STK38L: variants seen among roughly 807,000 people sequenced by gnomAD.
STK38L encodes serine/threonine-protein kinase 38-like.
Under a neutral mutation model 59.7 loss-of-function variants are expected in STK38L, and 28 were observed. The observed-to-expected ratio is 0.47, with a 90% CI of 0.35 to 0.64. The LOEUF (loss-of-function observed/expected upper bound fraction) is 0.64. Among genes scored for constraint, STK38L ranks in the 30% least tolerant of loss-of-function variants. The probability of loss-of-function intolerance (pLI) is 0.01; values close to 1 mark genes in which losing one functional copy is unlikely to be tolerated. For missense variants in STK38L, 314 were observed against 555.8 expected (o/e 0.56, Z 4.37); for synonymous variants, 162 against 176.8 (o/e 0.92, Z 0.66).
At chr12:27,256,413 A>G (rs1433805332) in intron 1 of STK38L, among the ~76,000 whole-genome samples, 1 of 152,082 alleles carries the variant, frequency 6.6e-6, no homozygotes, top group African/African-American at 2.4e-5. Flanking sequence ...GGTCTCACAC[A>G]CTACTTTCTG....
intron 1 of STK38L, among the ~76,000 whole-genome samples, chr12:27,287,281 T>C (rs1260642526): frequency 2.0e-5 from 3 of 152,054 alleles, no homozygotes; most frequent in Non-Finnish European, 4.4e-5. Flanking sequence ...ATTTTTTTTG[T>C]ATTTTTAGTA....
chr12:27,278,999 C>T (rs1943595356), intron 1 of STK38L, among the ~76,000 whole-genome samples: 1 of 152,154 alleles, frequency 6.6e-6, no homozygotes, highest in Non-Finnish European at 1.5e-5. Flanking sequence ...TAGGGGCCTG[C>T]CCAAATAGAT....
At chr12:27,301,484 T>G (rs965711611) in intron 2 of STK38L, among the ~76,000 whole-genome samples, 7 of 152,144 alleles carry the variant, frequency 4.6e-5, no homozygotes, top group Admixed American at 2.0e-4. Flanking sequence ...ATGGTCTCGA[T>G]CTCCTGACCT....
At chr12:27,292,450 G>A (rs1026645124) in intron 1 of STK38L, among the ~76,000 whole-genome samples, 11 of 152,100 alleles carry the variant, frequency 7.2e-5, no homozygotes, top group African/African-American at 2.7e-4. Flanking sequence ...TGGGATTTTT[G>A]TTTTTTCTGC....
At chr12:27,301,999 A>G (rs1591917954) in intron 2 of STK38L, 138 bp from the exon 3 acceptor site, 1 of 569,260 alleles carries the variant, frequency 1.8e-6, no homozygotes, top group East Asian at 3.4e-5. Flanking sequence ...CTTAGTGATT[A>G]TGTTGATCCA....
chr12:27,265,629 A>G (rs375897272), intron 1 of STK38L, among the ~76,000 whole-genome samples: 1 of 152,172 alleles, frequency 6.6e-6, no homozygotes, highest in African/African-American at 2.4e-5. Context: ...ATGAAAGAAG[A>G]CTATTAAATG....
intron 1 of STK38L, among the ~76,000 whole-genome samples, chr12:27,269,938 C>T (rs1330967814): frequency 1.3e-5 from 2 of 152,162 alleles, no homozygotes; most frequent in Admixed American, 6.5e-5. Context: ...CAGCTGCACC[C>T]GGCCAACTTT....
Position 27,314,497 on chromosome 12 carries a change from T to A in STK38L, c.518-7T>A, listed in dbSNP as rs1349303027. The stretch of plus-strand genomic sequence containing the variant: ...AATAATAATATATTTGACTATCCTT[T>A]ATTTAGGTGACATGATGACATTGCT... On this transcript the variant is annotated splice_region_variant and splice_polypyrimidine_tract_variant and intron_variant, in intron 6 of 13. Coordinates refer to ENST00000389032, the MANE Select transcript of STK38L (RefSeq NM_015000.4). 1.0e-5 allele frequency: 16 copies of A among 1,530,832 alleles called. No homozygotes were observed. Among genetic ancestry groups the A allele is most frequent in the African/African-American group, 1.4e-5 (1 of 70,728 alleles). The allele number at this position is 1,530,832 out of a possible 1,614,324, so 94.8% of individuals were successfully genotyped here. A position where few individuals can be genotyped will look rare whatever the true frequency, so the allele number is the denominator to read the frequency against.
At chr12:27,259,033 T>A (rs1335463631) in intron 1 of STK38L, among the ~76,000 whole-genome samples, 1 of 152,234 alleles carries the variant, frequency 6.6e-6, no homozygotes, top group Non-Finnish European at 1.5e-5. Flanking sequence ...CACATAGATT[T>A]GTCTTATAGC....
At chr12:27,292,955 T>A (rs1383152166) in intron 1 of STK38L, among the ~76,000 whole-genome samples, 1 of 152,174 alleles carries the variant, frequency 6.6e-6, no homozygotes, top group African/African-American at 2.4e-5. Context: ...TTTGTTTGTT[T>A]TTTTAGCCTA....
chr12:27,259,313 C>T (rs1209885459), intron 1 of STK38L, among the ~76,000 whole-genome samples: 2 of 152,176 alleles, frequency 1.3e-5, no homozygotes, highest in Non-Finnish European at 2.9e-5. Context: ...AGAGTTATAG[C>T]ATTCAGCAGA....
At chr12:27,294,502 G>A (rs1281360316) in intron 1 of STK38L, among the ~76,000 whole-genome samples, 3 of 121,792 alleles carry the variant, frequency 2.5e-5, no homozygotes, top group African/African-American at 9.4e-5. Flanking sequence ...GTGAAATTCT[G>A]TCAAAAAAAA....
intron 3 of STK38L, among the ~76,000 whole-genome samples, chr12:27,306,714 A>ACACACACACACACAC (rs1944322166): frequency 7.2e-6 from 1 of 139,084 alleles, no homozygotes; most frequent in Non-Finnish European, 1.5e-5. Context: ...GAATTTTATA[A>ACACACACACACACAC]ACACACACAC....
intron 1 of STK38L, among the ~76,000 whole-genome samples, chr12:27,255,603 G>A (rs1261441661): frequency 1.3e-5 from 2 of 152,138 alleles, no homozygotes; most frequent in Non-Finnish European, 2.9e-5. Context: ...TGGATGTTTA[G>A]TCTTTGCCTA....
rs576711734 is a variant in STK38L, at chr12:27,260,563, G to A, written c.-12+16231G>A. Among the ~76,000 whole-genome samples the A allele has an allele frequency of 4.2e-4, 64 of 152,150 alleles. 2 individuals carry two copies. Among genetic ancestry groups the A allele is most frequent in the Admixed American group, 2.5e-3 (38 of 15,268 alleles). On this transcript the variant is annotated intron_variant, in intron 1 of 13. Transcript: ENST00000389032. The stretch of plus-strand genomic sequence containing the variant: ...CACTCCCCCTCACTCTCTCTGTGCC[G>A]TACTGAACTCCTTGCTGTTTCTTAC...
At chr12:27,279,230 G>C (rs1026602163) in intron 1 of STK38L, among the ~76,000 whole-genome samples, 3 of 152,164 alleles carry the variant, frequency 2.0e-5, no homozygotes, top group Non-Finnish European at 2.9e-5. Context: ...TTGGTTTATT[G>C]GGATGTAGCC....
At chr12:27,288,123 C>G (rs1228676149) in intron 1 of STK38L, among the ~76,000 whole-genome samples, 2 of 152,158 alleles carry the variant, frequency 1.3e-5, no homozygotes, top group Non-Finnish European at 2.9e-5. Context: ...CTCAAGTCAT[C>G]CACCTGCCTT....
At chr12:27,249,913 C>T (rs377315565) in intron 1 of STK38L, among the ~76,000 whole-genome samples, 1 of 152,092 alleles carries the variant, frequency 6.6e-6, no homozygotes, top group East Asian at 1.9e-4. Context: ...GATTTTATTC[C>T]TCGTTTTCCT....
At chr12:27,305,047 C>G (rs979791009) in intron 3 of STK38L, among the ~76,000 whole-genome samples, 15 of 152,186 alleles carry the variant, frequency 9.9e-5, no homozygotes, top group African/African-American at 3.6e-4. Context: ...GACATGCCTC[C>G]TAGGGACTCG....
Sources: allele counts gnomAD v4.1 joint callset (sites outside exome capture counted in the v4.1 genomes callset), GRCh38; gene constraint gnomAD v4.1.1; transcripts MANE v1.5; gene names NCBI Gene and HGNC (gene_info 2026-07-23, HGNC 2026-07-21).